The following SGTB variants were observed in gnomAD, a reference collection of about 807,000 sequenced individuals.
SGTB encodes small glutamine-rich tetratricopeptide repeat-containing protein beta.
In SGTB, 19 loss-of-function variants were observed where a neutral mutation model predicts 43.9. That is an observed-to-expected ratio of 0.43 (90% CI 0.30 to 0.63). The LOEUF is 0.63. SGTB is among the 30% of genes least tolerant of loss of function. SGTB has a pLI of 0.12. For synonymous variants in SGTB, 116 were observed against 117.3 expected, an observed-to-expected ratio of 0.99 and a Z score of 0.07; for missense variants, 304 against 358.9, an observed-to-expected ratio of 0.85 and a Z score of 1.24.
Position 65,704,314 on chromosome 5 carries a change from T to C in SGTB, c.339A>G (p.Glu113=). 1 of 1,612,500 alleles carries C rather than the reference T, an allele frequency of 6.2e-7. No homozygotes were observed. Among genetic ancestry groups the C allele is most frequent in the Non-Finnish European group, 8.5e-7 (1 of 1,179,278 alleles). Residue 113 remains glutamate (E), a synonymous_variant, in exon 5 of 11, where the codon GAA becomes GAG. Transcript: ENST00000381007. ...AAVDCYTQAI[E]LDPNNAVYYC... ...AGTAAACTGCATTATTGGGATCCAA[T>C]TCTATTGCCTGTGTGTAACAATCCA... is the stretch of plus-strand genomic sequence containing the variant.
Position 65,713,044 on chromosome 5 carries a change from T to A in SGTB, c.121A>T (p.Thr41Ser), listed in dbSNP as rs757675770. ...TCTTCTGGGCTGATCTTAAAAACTG[T>A]CTCCAAGCACTGAATTGCAACTTGA... The part of the protein sequence containing the change: ...SLEVAIQCLE[T>S]VFKISPEDTH... The change falls in exon 3 of 11, where the codon ACA (threonine) becomes TCA (serine). Residue 41 changes from threonine to serine, a missense_variant. By Grantham distance (58) the Thr-to-Ser change is moderately conservative. Transcript: ENST00000381007. 1.4e-5 allele frequency: 22 copies of A among 1,612,758 alleles called. No homozygotes were observed. The highest frequency in any genetic ancestry group is 1.5e-5 in the Non-Finnish European group (18 of 1,179,570).
intron 3 of SGTB, among the ~76,000 whole-genome samples, chr5:65,708,932 T>C (rs943502440): frequency 6.6e-6 from 1 of 151,982 alleles, no homozygotes; most frequent in African/African-American, 2.4e-5. Context: ...TCCCAGCTAC[T>C]TGGGAGGCTG....
intron 8 of SGTB, among the ~76,000 whole-genome samples, chr5:65,672,632 G>A (rs1051261349): frequency 1.3e-5 from 2 of 152,124 alleles, no homozygotes; most frequent in Non-Finnish European, 2.9e-5. Flanking sequence ...CATTCCAAAC[G>A]AGCTTTTAAG....
chr5:65,677,016 A>C (rs952081462), intron 8 of SGTB, among the ~76,000 whole-genome samples: 6 of 4,886 alleles, frequency 1.2e-3, no homozygotes, highest in African/African-American at 4.2e-3. Flanking sequence ...AAACCCTTCA[A>C]AAAAAAAAAA....
At chr5:65,722,216 T>C (rs1358225068), upstream of SGTB, 6 of 384,510 alleles carry the variant, frequency 1.6e-5, no homozygotes, top group African/African-American at 2.2e-5. Flanking sequence ...GGCGCCGGCG[T>C]GGAGCTGCCG....
intron 6 of SGTB, among the ~76,000 whole-genome samples, chr5:65,681,812 T>TAA (rs1284076266): frequency 6.6e-6 from 1 of 151,906 alleles, no homozygotes; most frequent in East Asian, 1.9e-4. Context: ...CTGTCTCTAC[T>TAA]AAAAATACAA....
At chr5:65,681,755 A>G (rs1420559623) in intron 6 of SGTB, among the ~76,000 whole-genome samples, 2 of 152,128 alleles carry the variant, frequency 1.3e-5, no homozygotes, top group Non-Finnish European at 2.9e-5. Context: ...TGGGTGGATC[A>G]CTTGAGGTCA....
At chr5:65,684,085 AT>A (rs1218925954) in intron 6 of SGTB, among the ~76,000 whole-genome samples, 2 of 151,294 alleles carry the variant, frequency 1.3e-5, no homozygotes, top group Admixed American at 6.6e-5. Flanking sequence ...CCAACTAATG[AT>A]TTTTTTTCTT....
At chr5:65,681,580 AC>A (rs1757398158) in intron 6 of SGTB, among the ~76,000 whole-genome samples, 2 of 152,116 alleles carry the variant, frequency 1.3e-5, no homozygotes, top group Non-Finnish European at 1.5e-5. Flanking sequence ...CATGTATGAT[AC>A]TTTATCAGAG....
intron 8 of SGTB, among the ~76,000 whole-genome samples, chr5:65,673,590 C>G (rs972020759): frequency 3.3e-5 from 5 of 152,094 alleles, no homozygotes; most frequent in Non-Finnish European, 7.4e-5. Flanking sequence ...CGGTATGGTC[C>G]ATGGAAAAAC....
chr5:65,688,494 G>A (rs1182683649), intron 5 of SGTB, among the ~76,000 whole-genome samples: 1 of 152,188 alleles, frequency 6.6e-6, no homozygotes, highest in Admixed American at 6.5e-5. Context: ...CTCATGGGAG[G>A]ATGGAGAGAG....
intron 5 of SGTB, among the ~76,000 whole-genome samples, chr5:65,700,540 G>A (rs952713833): frequency 5.3e-5 from 8 of 151,692 alleles, no homozygotes; most frequent in East Asian, 1.9e-4. Context: ...AATTAGCCAC[G>A]CGTGGTGGTG....
chr5:65,690,594 C>CA (rs1330013085), intron 5 of SGTB, among the ~76,000 whole-genome samples: 34 of 151,996 alleles, frequency 2.2e-4, no homozygotes, highest in Non-Finnish European at 3.4e-4. Flanking sequence ...ACTGAAACAA[C>CA]AAAAAAGAAA....
chr5:65,699,947 A>T (rs1401989204), intron 5 of SGTB, among the ~76,000 whole-genome samples: 1 of 152,246 alleles, frequency 6.6e-6, no homozygotes, highest in Non-Finnish European at 1.5e-5. Context: ...GAGTATAAGC[A>T]ACCAATTGTT....
intron 8 of SGTB, among the ~76,000 whole-genome samples, chr5:65,673,733 G>A (rs1045264708): frequency 2.0e-5 from 3 of 151,016 alleles, no homozygotes; most frequent in African/African-American, 7.3e-5. Flanking sequence ...TCAGCTCACT[G>A]CAACCTCTGC....
intron 4 of SGTB, among the ~76,000 whole-genome samples, chr5:65,706,883 G>A (rs1054816589): frequency 5.3e-5 from 8 of 151,928 alleles, no homozygotes; most frequent in African/African-American, 1.9e-4. Flanking sequence ...ATCAAAGACA[G>A]TGTTATTTAG....
At chr5:65,686,539 G>A (rs917413124) in intron 5 of SGTB, among the ~76,000 whole-genome samples, 5 of 109,964 alleles carry the variant, frequency 4.5e-5, no homozygotes, top group African/African-American at 1.7e-4. Context: ...TTTCCTTTTT[G>A]TAGCAAACAT....
chr5:65,672,632 G>T (rs1051261349), intron 8 of SGTB, among the ~76,000 whole-genome samples: 2 of 152,124 alleles, frequency 1.3e-5, no homozygotes, highest in African/African-American at 4.8e-5. Context: ...CATTCCAAAC[G>T]AGCTTTTAAG....
In SGTB at chr5:65,704,465, A is replaced by C. The variant is rs1757891545; in HGVS notation, c.275-87T>G. ...TAGACACATTTTAATCGTGGAAACT[A>C]TAATTATATGAAAGTCGGCCTCATG... On this transcript the variant is annotated intron_variant, in intron 4 of 10. Coordinates refer to ENST00000381007, the MANE Select transcript of SGTB (RefSeq NM_019072.3). The C allele has an allele frequency of 4.0e-6, 4 of 995,806 alleles. No homozygotes were observed. The East Asian group carries it at 9.0e-5, about 22-fold the overall frequency. The allele number at this position is 995,806 out of a possible 1,614,324, so 61.7% of individuals were successfully genotyped here.
Sources: gnomAD v4.1 joint callset for allele counts (sites outside exome capture counted in the v4.1 genomes callset) on GRCh38, gnomAD v4.1.1 for gene constraint, MANE v1.5 for transcripts, NCBI Gene and HGNC (gene_info 2026-07-23, HGNC 2026-07-21) for gene names.